The following CCDC178 variants were observed in gnomAD, a reference collection of about 807,000 sequenced individuals.
CCDC178 encodes coiled-coil domain-containing protein 178.
A neutral mutation model predicts 117.4 loss-of-function variants in CCDC178; 126 were observed. That is an observed-to-expected ratio of 1.07 (90% confidence interval 0.93 to 1.24). The LOEUF is 1.24. CCDC178 is among the 50% of genes most tolerant of loss of function. The pLI is 0.00. For synonymous variants in CCDC178, 283 were observed against 313.4 expected (o/e 0.90, Z 1.02); for missense variants, 1,030 against 986.9 (o/e 1.04, Z -0.59).
At chr18:33,160,732 G>C (rs185735241) in intron 20 of CCDC178, among the ~76,000 whole-genome samples, 1 of 152,098 alleles carries the variant, frequency 6.6e-6, no homozygotes, top group East Asian at 1.9e-4. Flanking sequence ...GAAGCATCTT[G>C]GTTTAAGTGT....
At chr18:33,427,043 A>G (rs1021063676) in intron 2 of CCDC178, among the ~76,000 whole-genome samples, 2 of 152,174 alleles carry the variant, frequency 1.3e-5, no homozygotes, top group Admixed American at 6.5e-5. Context: ...TTCATATTTT[A>G]TAATAAACTA....
rs1041428115 is a variant in CCDC178, at chr18:33,223,066, A to T, written c.1932+40T>A. 7 of 1,445,190 alleles carry T rather than the reference A, an allele frequency of 4.8e-6. No homozygotes were observed. The East Asian group carries it at 1.4e-4, about 28-fold the overall frequency. 89.5% of individuals were successfully genotyped at this position (1,445,190 alleles called of 1,614,324 possible). Reference sequence around the variant, plus strand: ...GAATAGTTTTCACTGACATACATAAACTGTAAATTCAAAATTAGATTCTGA... The same window carrying T: ...GAATAGTTTTCACTGACATACATAATCTGTAAATTCAAAATTAGATTCTGA... On this transcript the variant is annotated intron_variant, in intron 18 of 22. Coordinates refer to ENST00000383096, the MANE Select transcript of CCDC178 (RefSeq NM_001105528.4).
intron 21 of CCDC178, among the ~76,000 whole-genome samples, chr18:33,068,721 T>C (rs150928636): frequency 5.9e-5 from 9 of 152,268 alleles, no homozygotes; most frequent in Non-Finnish European, 1.3e-4. Context: ...TTATACTGCA[T>C]GGGGAAAAGC....
chr18:33,330,879 A>G (rs1481654374), intron 10 of CCDC178, among the ~76,000 whole-genome samples: 1 of 152,154 alleles, frequency 6.6e-6, no homozygotes, highest in Admixed American at 6.5e-5. Context: ...AAATCTACCA[A>G]TTCAAATGTG....
rs1398796383 is a variant in CCDC178, at chr18:33,314,083, C to A, written c.1022+9408G>T. Among the ~76,000 whole-genome samples the A allele has an allele frequency of 2.0e-5, 3 of 149,038 alleles. No homozygotes were observed. In the East Asian group the frequency reaches 5.9e-4, roughly 29 times the overall value. Reference sequence around the variant, plus strand: ...GGGCGTAGTGGCGGGCGCCTGTAATCCCAGCTACTTGGGAGGCTGAGGCAG... The same window carrying A: ...GGGCGTAGTGGCGGGCGCCTGTAATACCAGCTACTTGGGAGGCTGAGGCAG... On this transcript the variant is annotated intron_variant, in intron 11 of 22. Transcript: ENST00000383096.
chr18:33,241,465 TGTGTAGAG>T (rs1170937159), intron 15 of CCDC178, among the ~76,000 whole-genome samples: 2 of 117,554 alleles, frequency 1.7e-5, no homozygotes, highest in Non-Finnish European at 3.8e-5. Flanking sequence ...TGTGTGTGTG[TGTGTAGAG>T]AGAGACTCTA....
In CCDC178 at chr18:33,218,022, C is replaced by T. The variant is rs139123864; in HGVS notation, c.1933-2327G>A. ...TTATGTCTGTGCACTTAAAACAATGCCTGACACACATAAAACATGCAGCAA... is the reference window on the plus strand; with the variant it reads ...TTATGTCTGTGCACTTAAAACAATGTCTGACACACATAAAACATGCAGCAA... On this transcript the variant is annotated intron_variant, in intron 18 of 22. Transcript: ENST00000383096. 1.9e-3 allele frequency among the ~76,000 whole-genome samples: 288 copies of T among 152,108 alleles called. 1 individual carries two copies. The highest frequency in any genetic ancestry group is 6.5e-3 in the African/African-American group (268 of 41,522).
At chr18:33,348,800 C>A (rs2062930828) in intron 8 of CCDC178, 90 bp downstream of exon 8, 2 of 808,054 alleles carry the variant, frequency 2.5e-6, no homozygotes, top group Admixed American at 2.3e-5. Context: ...AATTCTTAAA[C>A]ATGATTATTG....
intron 22 of CCDC178, among the ~76,000 whole-genome samples, chr18:32,946,212 T>G (rs2054343532): frequency 6.6e-6 from 1 of 152,178 alleles, no homozygotes; most frequent in Admixed American, 6.5e-5. Context: ...TGTGACACTG[T>G]TGATGAGCTA....
chr18:33,214,404 G>A (rs1483723898), intron 19 of CCDC178, among the ~76,000 whole-genome samples: 2 of 152,040 alleles, frequency 1.3e-5, no homozygotes, highest in East Asian at 3.9e-4. Context: ...AGTTTAGAGA[G>A]AGAACTGATT....
At chr18:33,235,140 A>G (rs1304778428) in intron 15 of CCDC178, among the ~76,000 whole-genome samples, 1 of 152,162 alleles carries the variant, frequency 6.6e-6, no homozygotes, top group Non-Finnish European at 1.5e-5. Flanking sequence ...AGGTCTGAGA[A>G]CATAAAGAAC....
intron 20 of CCDC178, among the ~76,000 whole-genome samples, chr18:33,098,732 C>A (rs2145093966): frequency 6.6e-6 from 1 of 152,114 alleles, no homozygotes; most frequent in Non-Finnish European, 1.5e-5. Context: ...CACATCTAGC[C>A]TTTTCTTCAT....
chr18:33,037,075 A>G (rs1014068197), intron 21 of CCDC178, among the ~76,000 whole-genome samples: 2 of 151,812 alleles, frequency 1.3e-5, no homozygotes, highest in African/African-American at 2.4e-5. Context: ...GGCAATGTCA[A>G]TATAATGATA....
intron 21 of CCDC178, among the ~76,000 whole-genome samples, chr18:33,024,172 A>C (rs1375920447): frequency 6.6e-6 from 1 of 152,230 alleles, no homozygotes; most frequent in Non-Finnish European, 1.5e-5. Context: ...ATGTTTAAGG[A>C]AGAATTAAAA....
chr18:33,315,542 C>A (rs889065395), intron 11 of CCDC178, among the ~76,000 whole-genome samples: 2 of 152,080 alleles, frequency 1.3e-5, no homozygotes, highest in Non-Finnish European at 2.9e-5. Flanking sequence ...TATGTATAAG[C>A]AAATCGAGGC....
At chr18:33,426,538 C>T (rs1173542293) in intron 2 of CCDC178, among the ~76,000 whole-genome samples, 1 of 152,228 alleles carries the variant, frequency 6.6e-6, no homozygotes, top group Non-Finnish European at 1.5e-5. Context: ...ATTCTAACCA[C>T]ACCAGTCATT....
Position 33,119,877 on chromosome 18 carries a change from C to T in CCDC178, c.2239-26967G>A, listed in dbSNP as rs577817275. Among the ~76,000 whole-genome samples, 211 of 152,204 alleles carry T rather than the reference C, an allele frequency of 1.4e-3. 3 individuals are homozygous for T. Among genetic ancestry groups the T allele is most frequent in the African/African-American group, 4.9e-3 (204 of 41,528 alleles). On this transcript the variant is annotated intron_variant, in intron 20 of 22. Coordinates refer to ENST00000383096, the MANE Select transcript of CCDC178 (RefSeq NM_001105528.4). ...GCCATAAAAAAGGATGAATTCATGT[C>T]CTTTGTAGGGACGTGGATGAAGCTG... is the stretch of plus-strand genomic sequence containing the variant.
intron 21 of CCDC178, among the ~76,000 whole-genome samples, chr18:33,065,842 A>G (rs1282904480): frequency 2.0e-5 from 3 of 151,368 alleles, no homozygotes; most frequent in African/African-American, 7.3e-5. Context: ...AGACTGTTAT[A>G]CCTAGCAAAG....
At chr18:33,400,570 A>G (rs1169687970) in intron 3 of CCDC178, among the ~76,000 whole-genome samples, 1 of 152,142 alleles carries the variant, frequency 6.6e-6, no homozygotes, top group Non-Finnish European at 1.5e-5. Flanking sequence ...AACTTCTGCA[A>G]GCTTCCAACT....
Sources: gnomAD v4.1 joint callset for allele counts (sites outside exome capture counted in the v4.1 genomes callset) on GRCh38, gnomAD v4.1.1 for gene constraint, MANE v1.5 for transcripts, NCBI Gene and HGNC (gene_info 2026-07-23, HGNC 2026-07-21) for gene names.